CLEC19A: variants seen among roughly 807,000 people sequenced by gnomAD.
The protein encoded by CLEC19A is C-type lectin domain containing 19A.
Under a neutral mutation model 26.1 loss-of-function variants are expected in CLEC19A, and 21 were observed. The ratio of observed to expected loss-of-function variants is 0.80; its 90% CI spans 0.57 to 1.16. The LOEUF is 1.16. Ranked by LOEUF, CLEC19A falls within the 50% of genes most tolerant of loss-of-function variation. CLEC19A has a pLI of 0.00. For synonymous variants in CLEC19A, 89 were observed against 88.6 expected (o/e 1.00, Z -0.03); for missense variants, 224 against 227.6 (o/e 0.98, Z 0.10).
intron 2 of CLEC19A, among the ~76,000 whole-genome samples, chr16:19,300,050 C>A (rs1377520796): frequency 1.3e-5 from 2 of 152,000 alleles, no homozygotes; most frequent in East Asian, 3.9e-4. Context: ...ATGGCGAAAC[C>A]CCATCTCTAC....
At position 19,305,622 on chromosome 16, in the gene CLEC19A, T is replaced by G. The variant is rs139326796; in HGVS notation, c.348+1467T>G. ...GCTGGCAGGTGACTTTGTGCAAATT[T>G]AAAAAACCTCTCTGAGCCTCAGTTT... is the stretch of plus-strand genomic sequence containing the variant. On this transcript the variant is annotated intron_variant, in intron 3 of 4. Transcript: ENST00000636231. Among the ~76,000 whole-genome samples the G allele has an allele frequency of 3.9e-5, 6 of 152,284 alleles. No homozygotes were observed. In the East Asian group the frequency reaches 1.2e-3, roughly 29 times the overall value.
At chr16:19,301,649 C>T (rs1597086291) in intron 2 of CLEC19A, among the ~76,000 whole-genome samples, 5 of 151,476 alleles carry the variant, frequency 3.3e-5, no homozygotes, top group African/African-American at 9.7e-5. Flanking sequence ...CTGCAACCTC[C>T]GCCTCCTGGG....
At chr16:19,293,644 CAG>C (rs1897638982) in intron 1 of CLEC19A, among the ~76,000 whole-genome samples, 1 of 151,936 alleles carries the variant, frequency 6.6e-6, no homozygotes, top group Non-Finnish European at 1.5e-5. Context: ...TGGTAAGAGA[CAG>C]GGTCTCACTA....
intron 2 of CLEC19A, 166 bp from the exon 3 acceptor site, chr16:19,303,896 G>T: frequency 3.5e-6 from 2 of 578,624 alleles, no homozygotes; most frequent in African/African-American, 3.7e-5. Context: ...TGCCCATGTA[G>T]GACCGGCCAC....
intron 1 of CLEC19A, among the ~76,000 whole-genome samples, chr16:19,293,119 A>G (rs945334749): frequency 5.9e-5 from 9 of 152,228 alleles, no homozygotes; most frequent in Admixed American, 1.3e-4. Flanking sequence ...GATTGGTTGT[A>G]AAGAGGGGAA....
At chr16:19,286,025 G>C (rs1232354811) in intron 1 of CLEC19A, 86 bp downstream of exon 1, 2 of 1,316,334 alleles carry the variant, frequency 1.5e-6, no homozygotes, top group African/African-American at 2.9e-5. Context: ...GGCAGCTTCT[G>C]TTGGGGGGTT....
chr16:19,310,715 T>G lies in CLEC19A; in HGVS notation c.*1632T>G, dbSNP rs1341504624. 1 of 152,172 alleles carries G rather than the reference T, an allele frequency of 6.6e-6. No homozygotes were observed. Among genetic ancestry groups the G allele is most frequent in the Non-Finnish European group, 1.5e-5 (1 of 68,034 alleles). 9.4% of individuals were successfully genotyped at this position (152,172 alleles called of 1,614,324 possible). A position where few individuals can be genotyped will look rare whatever the true frequency, so the allele number is the denominator to read the frequency against. On this transcript the variant is annotated 3_prime_UTR_variant, in exon 5 of 5. Transcript: ENST00000636231. The stretch of plus-strand genomic sequence containing the variant: ...CACATGTTGTATGATTCCATATATA[T>G]GAAATATCCAGAATAGGCAAGTCTA...
intron 2 of CLEC19A, 73 bp from the exon 3 acceptor site, chr16:19,303,989 G>T (rs2143010852): frequency 8.0e-7 from 1 of 1,255,606 alleles, no homozygotes; most frequent in Non-Finnish European, 1.1e-6. Context: ...AATATGGATT[G>T]CTTTCAATTT....
At chr16:19,291,581 C>T (rs757730765) in intron 1 of CLEC19A, among the ~76,000 whole-genome samples, 6 of 152,124 alleles carry the variant, frequency 3.9e-5, no homozygotes, top group East Asian at 1.9e-4. Flanking sequence ...TCAGAGTTGG[C>T]GCTGATTGTT....
intron 1 of CLEC19A, among the ~76,000 whole-genome samples, chr16:19,296,223 G>A (rs551056641): frequency 1.3e-5 from 2 of 152,320 alleles, no homozygotes; most frequent in South Asian, 4.1e-4. Context: ...TGGTCAAAGG[G>A]GAAAGCCCAG....
chr16:19,307,747 A>T (rs1257700555), intron 4 of CLEC19A, 70 bp downstream of exon 4: 1 of 1,533,426 alleles, frequency 6.5e-7, no homozygotes, highest in Non-Finnish European at 8.8e-7. Flanking sequence ...AGAGCGGAGA[A>T]GGGCCTTGGG....
At chr16:19,300,316 A>G (rs1218200610) in intron 2 of CLEC19A, among the ~76,000 whole-genome samples, 1 of 152,140 alleles carries the variant, frequency 6.6e-6, no homozygotes, top group Non-Finnish European at 1.5e-5. Flanking sequence ...TGGGAGGCTA[A>G]GATGGGAGGA....
intron 1 of CLEC19A, among the ~76,000 whole-genome samples, chr16:19,298,171 G>A (rs942903749): frequency 4.6e-4 from 70 of 151,704 alleles, no homozygotes; most frequent in African/African-American, 1.3e-3. Flanking sequence ...GAACCCAGGA[G>A]GCGGAGGTTG....
At chr16:19,294,413 T>A (rs1292458553) in intron 1 of CLEC19A, among the ~76,000 whole-genome samples, 2 of 152,210 alleles carry the variant, frequency 1.3e-5, no homozygotes, top group Non-Finnish European at 2.9e-5. Context: ...TTCGTAATGC[T>A]TGGACTGGGG....
In CLEC19A at chr16:19,308,907, C is replaced by T. The variant is rs187387771; in HGVS notation, c.482-97C>T. 6.5e-4 allele frequency: 571 copies of T among 882,038 alleles called. 2 individuals carry two copies. The African/African-American group carries it at 8.7e-3, about 13-fold the overall frequency. The allele number at this position is 882,038 out of a possible 1,614,324, so 54.6% of individuals were successfully genotyped here. ...AAGGGCTGCCAGCATAGACACAAGG[C>T]CTATTGGAGATGGCTTTTACTTCAG... On this transcript the variant is annotated intron_variant, in intron 4 of 4. Coordinates refer to ENST00000636231, the MANE Select transcript of CLEC19A (RefSeq NM_001256720.2).
chr16:19,305,786 T>C (rs565542429), intron 3 of CLEC19A, among the ~76,000 whole-genome samples: 1 of 152,320 alleles, frequency 6.6e-6, no homozygotes, highest in East Asian at 1.9e-4. Flanking sequence ...GCTCTTAAAG[T>C]AGCAGAAGTA....
chr16:19,307,668 C>A lies in CLEC19A; in HGVS notation c.472C>A (p.Pro158Thr). The A allele has an allele frequency of 3.2e-6, 5 of 1,548,218 alleles. No homozygotes were observed. The highest frequency in any genetic ancestry group is 4.4e-6 in the Non-Finnish European group (5 of 1,146,788). ...EEDCVQIWYR[P>T]TSALRSWNDN... Reference sequence around the variant, plus strand: ...GGACTGCGTGCAGATATGGTACAGGCCTACCAGTGGTGGGTACCCCTGAGA... The same window carrying A: ...GGACTGCGTGCAGATATGGTACAGGACTACCAGTGGTGGGTACCCCTGAGA... The change falls in exon 4 of 5, where the codon CCT becomes ACT. Residue 158 changes from proline to threonine, a missense_variant. Transcript: ENST00000636231.
chr16:19,298,022 G>C (rs138318518), intron 1 of CLEC19A, among the ~76,000 whole-genome samples: 1 of 151,792 alleles, frequency 6.6e-6, no homozygotes, highest in South Asian at 2.1e-4. Flanking sequence ...AGGCCGAGGC[G>C]GGCGGATCAC....
At chr16:19,298,107 G>A (rs144006658) in intron 1 of CLEC19A, among the ~76,000 whole-genome samples, 96 of 151,810 alleles carry the variant, frequency 6.3e-4, no homozygotes, top group African/African-American at 2.1e-3. Flanking sequence ...AAAATTAACC[G>A]GGCACGTGCC....
Sources: allele counts gnomAD v4.1 joint callset (sites outside exome capture counted in the v4.1 genomes callset), GRCh38; gene constraint gnomAD v4.1.1; transcripts MANE v1.5; gene names NCBI Gene and HGNC (gene_info 2026-07-23, HGNC 2026-07-21).